IMMP2L: variants seen among roughly 807,000 people sequenced by gnomAD.
The protein encoded by IMMP2L is mitochondrial inner membrane protease subunit 2.
In IMMP2L, 18 loss-of-function variants were observed where a neutral mutation model predicts 19.3. That is an observed-to-expected ratio of 0.93 (90% confidence interval 0.64 to 1.38). IMMP2L has a LOEUF of 1.38. Ranked by LOEUF, IMMP2L falls within the 40% of genes most tolerant of loss-of-function variation. The probability of loss-of-function intolerance (pLI) is 0.00; values close to 1 mark genes in which losing one functional copy is unlikely to be tolerated. For missense variants in IMMP2L, 233 were observed against 218.2 expected (o/e 1.07, Z -0.43); for synonymous variants, 76 against 73.0 (o/e 1.04, Z -0.21).
chr7:110,904,146 C>T (rs920473831), intron 4 of IMMP2L, among the ~76,000 whole-genome samples: 1 of 152,078 alleles, frequency 6.6e-6, no homozygotes, highest in African/African-American at 2.4e-5. Context: ...TTGTGGTTTG[C>T]ATATAGATTA....
intron 3 of IMMP2L, among the ~76,000 whole-genome samples, chr7:111,292,005 C>A (rs542383856): frequency 7.9e-4 from 120 of 152,284 alleles, no homozygotes; most frequent in Non-Finnish European, 9.7e-4. Flanking sequence ...TCTTTCTTGC[C>A]TGTCCCCCTG....
intron 1 of IMMP2L, among the ~76,000 whole-genome samples, chr7:111,545,872 G>C (rs1196665613): frequency 6.6e-6 from 1 of 151,998 alleles, no homozygotes; most frequent in Non-Finnish European, 1.5e-5. Flanking sequence ...CTGTTCTTCA[G>C]CTACGAAGTT....
intron 3 of IMMP2L, among the ~76,000 whole-genome samples, chr7:111,291,154 G>A (rs891796574): frequency 6.6e-6 from 1 of 152,114 alleles, no homozygotes. Flanking sequence ...GATAAAAAGA[G>A]GCAGTGGAAA....
intron 3 of IMMP2L, among the ~76,000 whole-genome samples, chr7:111,268,867 G>A (rs1818139156): frequency 6.6e-6 from 1 of 151,814 alleles, no homozygotes; most frequent in Non-Finnish European, 1.5e-5. Flanking sequence ...TCCAATACCT[G>A]GGATTACAGG....
intron 3 of IMMP2L, among the ~76,000 whole-genome samples, chr7:111,159,273 G>A (rs1274504404): frequency 4.6e-5 from 7 of 151,862 alleles, no homozygotes; most frequent in African/African-American, 1.7e-4. Flanking sequence ...CTGCCACCAC[G>A]CCCAGCTAAT....
intron 5 of IMMP2L, among the ~76,000 whole-genome samples, chr7:110,868,452 T>C (rs1370225142): frequency 1.3e-5 from 2 of 152,068 alleles, no homozygotes; most frequent in Non-Finnish European, 2.9e-5. Context: ...TTTTTATAAT[T>C]GTGATCATCA....
intron 3 of IMMP2L, among the ~76,000 whole-genome samples, chr7:111,478,835 A>G (rs1422641557): frequency 6.6e-6 from 1 of 152,138 alleles, no homozygotes; most frequent in Non-Finnish European, 1.5e-5. Context: ...CTGGCTTCTA[A>G]TATGCATGGT....
At position 110,958,063 on chromosome 7, in the gene IMMP2L, T is replaced by C. The variant is rs544133075; in HGVS notation, c.305+5437A>G. 9.3e-3 allele frequency among the ~76,000 whole-genome samples: 1,411 copies of C among 152,116 alleles called. 13 individuals carry two copies. Among genetic ancestry groups the C allele is most frequent in the Non-Finnish European group, 0.016 (1,093 of 67,950 alleles). On this transcript the variant is annotated intron_variant, in intron 4 of 5. Transcript: ENST00000405709. ...ATGAATGGCACTAAGGTCTACACGG[T>C]CAGTGAACTGATTAAATGATATTTA...
chr7:111,186,976 C>T (rs1325212853), intron 3 of IMMP2L, among the ~76,000 whole-genome samples: 2 of 151,802 alleles, frequency 1.3e-5, no homozygotes, highest in Admixed American at 6.6e-5. Context: ...TTTTGTCTCC[C>T]CAGTACAGTA....
chr7:111,189,617 G>GA (rs1808652110), intron 3 of IMMP2L, among the ~76,000 whole-genome samples: 1 of 151,776 alleles, frequency 6.6e-6, no homozygotes, highest in Non-Finnish European at 1.5e-5. Context: ...AAATACTGAA[G>GA]AAACTATGGC....
At chr7:111,096,878 A>C (rs1476929407) in intron 3 of IMMP2L, 1 of 152,080 alleles carries the variant, frequency 6.6e-6, no homozygotes, top group East Asian at 1.9e-4. Context: ...TAAACTACTA[A>C]AGTCAAAATG....
intron 3 of IMMP2L, among the ~76,000 whole-genome samples, chr7:111,290,522 A>G: frequency 6.6e-6 from 1 of 152,064 alleles, no homozygotes; most frequent in East Asian, 1.9e-4. Context: ...AAAAAAATGA[A>G]TGATTTAAAT....
intron 5 of IMMP2L, among the ~76,000 whole-genome samples, chr7:110,680,298 A>G (rs533477838): frequency 1.3e-5 from 2 of 152,268 alleles, no homozygotes; most frequent in African/African-American, 4.8e-5. Context: ...GGCCAGAGAC[A>G]ATTCCTGATT....
At chr7:111,227,741 G>C (rs1813260114) in intron 3 of IMMP2L, among the ~76,000 whole-genome samples, 1 of 152,050 alleles carries the variant, frequency 6.6e-6, no homozygotes, top group Non-Finnish European at 1.5e-5. Context: ...AAGTATGTTG[G>C]TCAAATGTAC....
At chr7:110,950,055 GC>G (rs771859911) in intron 4 of IMMP2L, among the ~76,000 whole-genome samples, 21 of 152,106 alleles carry the variant, frequency 1.4e-4, no homozygotes, top group Non-Finnish European at 2.6e-4. Context: ...CTGTCATGAA[GC>G]TATTTCACTA....
chr7:111,009,619 A>G (rs1348961564), intron 3 of IMMP2L, among the ~76,000 whole-genome samples: 1 of 152,094 alleles, frequency 6.6e-6, no homozygotes, highest in Non-Finnish European at 1.5e-5. Flanking sequence ...CATACTGAAA[A>G]TGTATATGTT....
At chr7:110,665,202 T>C (rs1237962407) in intron 5 of IMMP2L, among the ~76,000 whole-genome samples, 1 of 152,190 alleles carries the variant, frequency 6.6e-6, no homozygotes, top group Admixed American at 6.5e-5. Context: ...TTTGAAAGTG[T>C]GGTACAAAAA....
chr7:111,001,442 A>G (rs973835425), intron 3 of IMMP2L, among the ~76,000 whole-genome samples: 18 of 152,204 alleles, frequency 1.2e-4, no homozygotes, highest in African/African-American at 4.1e-4. Flanking sequence ...ATGTTCACAC[A>G]TAACGTTTGA....
intron 5 of IMMP2L, among the ~76,000 whole-genome samples, chr7:110,697,383 C>A (rs575370607): frequency 6.6e-6 from 1 of 152,262 alleles, no homozygotes; most frequent in East Asian, 1.9e-4. Flanking sequence ...AATGTTTATA[C>A]CCTTAAAAAG....
Sources: gnomAD v4.1 joint callset for allele counts (sites outside exome capture counted in the v4.1 genomes callset) on GRCh38, gnomAD v4.1.1 for gene constraint, MANE v1.5 for transcripts, NCBI Gene and HGNC (gene_info 2026-07-23, HGNC 2026-07-21) for gene names.